The following BCL2 variants were observed in gnomAD, a reference collection of about 807,000 sequenced individuals.
The protein encoded by BCL2 is apoptosis regulator Bcl-2.
A neutral mutation model predicts 14.2 loss-of-function variants in BCL2; 1 was observed. That is an observed-to-expected ratio of 0.07 (90% CI 0.02 to 0.33). The LOEUF (loss-of-function observed/expected upper bound fraction) is 0.33, where lower values mean the gene tolerates loss of function less well. Ranked by LOEUF, BCL2 falls within the 10% of genes least tolerant of loss-of-function variation. The pLI is 0.99. For missense variants in BCL2, 247 were observed against 305.9 expected, an observed-to-expected ratio of 0.81 and a Z score of 1.44; for synonymous variants, 151 against 137.2, an observed-to-expected ratio of 1.10 and a Z score of -0.70.
At chr18:63,214,225 G>C (rs145997290) in intron 2 of BCL2, among the ~76,000 whole-genome samples, 33 of 152,330 alleles carry the variant, frequency 2.2e-4, no homozygotes, top group African/African-American at 7.5e-4. Context: ...CAGCAGGGAC[G>C]AGTGCAGAAA....
rs575372274 is a variant in BCL2 at position 63,183,693 on chromosome 18, C to T, written c.586-54934G>A. 1.7e-3 allele frequency among the ~76,000 whole-genome samples: 256 copies of T among 152,318 alleles called. 1 individual carries two copies. The highest frequency in any genetic ancestry group is 5.9e-3 in the African/African-American group (245 of 41,554). On this transcript the variant is annotated intron_variant, in intron 2 of 2. Transcript: ENST00000333681. ...GAAGGAGTTCAGAAGAAAGGAAACA[C>T]GCCATCGCCTTCTGCATGGGGCGGG...
At position 63,124,125 on chromosome 18, in the gene BCL2, G is replaced by A. The variant is rs547715314; in HGVS notation, c.*4500C>T. ...AGATGCATATTTCATGATTGTCCAA[G>A]GTCATGGTTGTCCAAAGACATGGAA... is the stretch of plus-strand genomic sequence containing the variant. On this transcript the variant is annotated 3_prime_UTR_variant, in exon 3 of 3. Transcript: ENST00000333681. 12 of 222,130 alleles carry A rather than the reference G, an allele frequency of 5.4e-5. No homozygotes were observed. The East Asian group carries it at 6.5e-4, about 12-fold the overall frequency. 13.8% of individuals were successfully genotyped at this position (222,130 alleles called of 1,614,324 possible). A position where few individuals can be genotyped will look rare whatever the true frequency, so the allele number is the denominator to read the frequency against.
At chr18:63,168,085 T>C (rs917255904) in intron 2 of BCL2, among the ~76,000 whole-genome samples, 23 of 151,990 alleles carry the variant, frequency 1.5e-4, no homozygotes, top group African/African-American at 5.6e-4. Context: ...ACAACATGAT[T>C]GTTGCCATCT....
At position 63,315,719 on chromosome 18, in the gene BCL2, GAA is replaced by G. The variant is rs1306886827; in HGVS notation, c.585+2361_585+2362del. ...ATGTAACCCCAATTGGTGTAAATGT[GAA>G]GAAAATCTGTCTGTATGCCAAATGC... On this transcript the variant is annotated intron_variant, in intron 2 of 2. Coordinates refer to ENST00000333681, the MANE Select transcript of BCL2 (RefSeq NM_000633.3). 11 of 152,294 alleles carry G rather than the reference GAA, an allele frequency of 7.2e-5. 1 individual carries two copies. In the Middle Eastern group the frequency reaches 0.01, roughly 141 times the overall value. 9.4% of individuals were successfully genotyped at this position (152,294 alleles called of 1,614,324 possible).
At chr18:63,317,481 A>G (rs4987712) in intron 2 of BCL2, 16,166 of 926,128 alleles carry the variant, frequency 0.017, 183 homozygotes, top group Admixed American at 0.021. Context: ...TGGAATGTCA[A>G]CTTAGCTCTT....
chr18:63,123,360 GTACTT>G lies in BCL2; in HGVS notation c.*5260_*5264del, dbSNP rs1913823926. ...CCAGGCACAACCAGTATCTCACACT[GTACTT>G]TATTTTTCTTCACAATATTAACTAG... is the stretch of plus-strand genomic sequence containing the variant. On this transcript the variant is annotated 3_prime_UTR_variant, in exon 3 of 3. Coordinates refer to ENST00000333681, the MANE Select transcript of BCL2 (RefSeq NM_000633.3). 1 of 185,746 alleles carries G rather than the reference GTACTT, an allele frequency of 5.4e-6. No homozygotes were observed. The highest frequency in any genetic ancestry group is 6.2e-5 in the Admixed American group (1 of 16,118). 11.5% of individuals were successfully genotyped at this position (185,746 alleles called of 1,614,324 possible). A position where few individuals can be genotyped will look rare whatever the true frequency, so the allele number is the denominator to read the frequency against.
chr18:63,151,595 T>C (rs1296409727), intron 2 of BCL2, among the ~76,000 whole-genome samples: 2 of 152,102 alleles, frequency 1.3e-5, no homozygotes, highest in Non-Finnish European at 2.9e-5. Flanking sequence ...GGCCCGACTT[T>C]GTGGGTTTCA....
chr18:63,269,792 T>A (rs1338797332), intron 2 of BCL2, among the ~76,000 whole-genome samples: 1 of 152,200 alleles, frequency 6.6e-6, no homozygotes, highest in Non-Finnish European at 1.5e-5. Flanking sequence ...TTCAGCAATA[T>A]GTTTTTGGTA....
At chr18:63,129,737 C>T (rs923941421) in intron 2 of BCL2, among the ~76,000 whole-genome samples, 4 of 152,204 alleles carry the variant, frequency 2.6e-5, no homozygotes, top group East Asian at 1.9e-4. Context: ...GATGCCCTGG[C>T]GTGGCTAACG....
intron 2 of BCL2, among the ~76,000 whole-genome samples, chr18:63,279,974 T>C (rs1912262445): frequency 6.6e-6 from 1 of 152,218 alleles, no homozygotes; most frequent in South Asian, 2.1e-4. Context: ...GCTATGATTG[T>C]CAGGGGACAT....
intron 2 of BCL2, among the ~76,000 whole-genome samples, chr18:63,270,219 C>T (rs758877262): frequency 2.2e-4 from 34 of 152,178 alleles, no homozygotes; most frequent in Non-Finnish European, 5.9e-5. Flanking sequence ...TACTTACTTT[C>T]AGCTGCAACA....
chr18:63,124,066 T>C lies in BCL2; in HGVS notation c.*4559A>G, dbSNP rs1409428608. 4.5e-6 allele frequency: 1 copy of C among 221,508 alleles called. No individual in the cohort carries two copies. The highest frequency in any genetic ancestry group is 9.0e-6 in the Non-Finnish European group (1 of 110,704). The allele number at this position is 221,508 out of a possible 1,614,324, so 13.7% of individuals were successfully genotyped here. On this transcript the variant is annotated 3_prime_UTR_variant, in exon 3 of 3. Coordinates refer to ENST00000333681, the MANE Select transcript of BCL2 (RefSeq NM_000633.3). The stretch of plus-strand genomic sequence containing the variant: ...GTCCAGATGAACCGGTACAGTACCA[T>C]TCATGCTCCATCTGATTTTCTTTGC...
chr18:63,185,705 C>T (rs752693584), intron 2 of BCL2, among the ~76,000 whole-genome samples: 1 of 152,168 alleles, frequency 6.6e-6, no homozygotes, highest in African/African-American at 2.4e-5. Flanking sequence ...TTAATTATTT[C>T]GGCTTCACAA....
At chr18:63,175,332 G>A (rs941239446) in intron 2 of BCL2, among the ~76,000 whole-genome samples, 2 of 152,214 alleles carry the variant, frequency 1.3e-5, no homozygotes, top group Non-Finnish European at 2.9e-5. Context: ...CTAGCCAAAT[G>A]CTATAGTCGA....
intron 2 of BCL2, among the ~76,000 whole-genome samples, chr18:63,168,867 A>G (rs889975731): frequency 1.3e-5 from 2 of 152,214 alleles, no homozygotes; most frequent in African/African-American, 4.8e-5. Flanking sequence ...CACTTTCCCT[A>G]TTGGAATCCA....
intron 2 of BCL2, among the ~76,000 whole-genome samples, chr18:63,130,330 C>A (rs761038433): frequency 7.2e-5 from 11 of 152,208 alleles, no homozygotes; most frequent in Non-Finnish European, 1.3e-4. Flanking sequence ...CCCTGGACAT[C>A]GCTGTTGGGA....
At chr18:63,306,136 A>T (rs950845448) in intron 2 of BCL2, among the ~76,000 whole-genome samples, 1 of 152,196 alleles carries the variant, frequency 6.6e-6, no homozygotes. Context: ...TATAACCAGA[A>T]CAATGACCAC....
chr18:63,234,984 T>C (rs1910784580), intron 2 of BCL2, among the ~76,000 whole-genome samples: 1 of 151,704 alleles, frequency 6.6e-6, no homozygotes, highest in Non-Finnish European at 1.5e-5. Context: ...AATAAGCCAA[T>C]AAAGAAACAA....
At chr18:63,300,649 C>T (rs1407296613) in intron 2 of BCL2, among the ~76,000 whole-genome samples, 1 of 152,060 alleles carries the variant, frequency 6.6e-6, no homozygotes, top group Non-Finnish European at 1.5e-5. Flanking sequence ...ACTCACTTTC[C>T]CTGAACTCTT....
Sources: allele counts gnomAD v4.1 joint callset (sites outside exome capture counted in the v4.1 genomes callset), GRCh38; gene constraint gnomAD v4.1.1; transcripts MANE v1.5; gene names NCBI Gene and HGNC (gene_info 2026-07-23, HGNC 2026-07-21).